Variants in KRT17 observed in about 807,000 individuals in gnomAD.
KRT17 encodes keratin 17.
Under a neutral mutation model 45.6 loss-of-function variants are expected in KRT17, and 29 were observed. That is an observed-to-expected ratio of 0.64 (90% CI 0.47 to 0.87). The LOEUF (loss-of-function observed/expected upper bound fraction) is 0.87, where lower values mean the gene tolerates loss of function less well. KRT17 is among the 40% of genes least tolerant of loss of function. The pLI is 0.00. For synonymous variants in KRT17, 219 were observed against 234.6 expected (o/e 0.93, Z 0.61); for missense variants, 536 against 577.8 (o/e 0.93, Z 0.74).
chr17:41,623,062 T>C (rs1908600134), intron 1 of KRT17, 30 bp from the exon 2 acceptor site: 7 of 1,543,362 alleles, frequency 4.5e-6, no homozygotes, highest in Non-Finnish European at 5.4e-6. Flanking sequence ...GTCAGGTCAT[T>C]GGATGGGGGT....
In KRT17 at chr17:41,620,535, C is replaced by A; in HGVS notation, c.1204+1G>T. ...AGGGCCGAAGCCACGCAGATACTTACGTTCTTTCTTGTACTGAGTCAGGCT... is the reference window on the plus strand; with the variant it reads ...AGGGCCGAAGCCACGCAGATACTTAAGTTCTTTCTTGTACTGAGTCAGGCT... On this transcript the variant is annotated splice_donor_variant, in intron 7 of 7. Transcript: ENST00000311208. LOFTEE classifies it high-confidence loss of function. 6.2e-7 allele frequency: 1 copy of A among 1,611,674 alleles called. No individual in the cohort carries two copies. The highest frequency in any genetic ancestry group is 2.2e-5 in the East Asian group (1 of 44,868).
intron 1 of KRT17, among the ~76,000 whole-genome samples, chr17:41,623,711 C>T (rs1486638647): frequency 6.6e-6 from 1 of 152,156 alleles, no homozygotes; most frequent in Non-Finnish European, 1.5e-5. Flanking sequence ...CCAAAACCCC[C>T]TCCTGTTGAC....
chr17:41,622,049 A>G, intron 3 of KRT17: 1 of 594,490 alleles, frequency 1.7e-6, no homozygotes, highest in South Asian at 2.0e-5. Flanking sequence ...CAGCTTTGAG[A>G]GTTTGAAATG....
chr17:41,619,850 G>A (rs1908479765), intron 7 of KRT17, 162 bp from the exon 8 acceptor site: 1 of 985,260 alleles, frequency 1.0e-6, no homozygotes, highest in Admixed American at 6.1e-5. Context: ...CATCCCTCCT[G>A]TCCCTGCCAC....
In KRT17 at chr17:41,620,959, T is replaced by A; in HGVS notation, c.960+7A>T. On this transcript the variant is annotated splice_region_variant and intron_variant, in intron 5 of 7. Coordinates refer to ENST00000311208, the MANE Select transcript of KRT17 (RefSeq NM_000422.3). ...GGGCCCTCCCCCATGCACAGGACTG[T>A]TCCTACCATGCTGAGCTGGGACTGC... The A allele has an allele frequency of 6.2e-7, 1 of 1,614,088 alleles. No individual in the cohort carries two copies. The highest frequency in any genetic ancestry group is 8.5e-7 in the Non-Finnish European group (1 of 1,180,000).
At chr17:41,622,715 T>TGCCTCCC (rs1271697773) in intron 2 of KRT17, among the ~76,000 whole-genome samples, 1 of 152,208 alleles carries the variant, frequency 6.6e-6, no homozygotes, top group Non-Finnish European at 1.5e-5. Context: ...TACTTCTCTC[T>TGCCTCCC]GCCTCCCGCC....
intron 1 of KRT17, 187 bp from the exon 2 acceptor site, chr17:41,623,219 C>T (rs1469780513): frequency 2.2e-5 from 13 of 589,418 alleles, no homozygotes; most frequent in East Asian, 9.3e-5. Flanking sequence ...CTTCTTCCCC[C>T]GATACTCAGT....
At chr17:41,619,780 T>C in intron 7 of KRT17, 92 bp from the exon 8 acceptor site, 1 of 1,598,482 alleles carries the variant, frequency 6.3e-7, no homozygotes, top group Non-Finnish European at 8.5e-7. Flanking sequence ...GCTCTCTCCC[T>C]CATCCTCCCC....
In KRT17 at chr17:41,620,866, T is replaced by C; in HGVS notation, c.974A>G (p.Glu325Gly). ...GTTCTCTGTCTCCGCCAGGTTGCCC[T>C]CCAGGGATGCTTTCTGCAGGAGGGC... ...QSQLSMKASL[E>G]GNLAETENRY... is the part of the protein sequence containing the mutation. The change falls in exon 6 of 8, where the codon GAG (glutamate) becomes GGG (glycine). Residue 325 changes from glutamate to glycine, a missense_variant. Physicochemically the swap from Glu to Gly is moderately conservative, Grantham distance 98. Transcript: ENST00000311208. The C allele has an allele frequency of 6.2e-7, 1 of 1,613,960 alleles. No individual in the cohort carries two copies. Among genetic ancestry groups the C allele is most frequent in the South Asian group, 1.1e-5 (1 of 91,080 alleles).
At chr17:41,623,663 T>C (rs1438401065) in intron 1 of KRT17, among the ~76,000 whole-genome samples, 2 of 150,160 alleles carry the variant, frequency 1.3e-5, no homozygotes, top group Admixed American at 6.6e-5. Flanking sequence ...CAGCAGGTGC[T>C]ATCAGGAGCT....
intron 4 of KRT17, 64 bp from the exon 5 acceptor site, chr17:41,621,155 C>G: frequency 2.5e-6 from 4 of 1,602,360 alleles, no homozygotes; most frequent in Non-Finnish European, 3.4e-6. Context: ...CAGGCCTCCT[C>G]CCAAATCTAA....
At chr17:41,621,239 CTT>C in intron 4 of KRT17, 148 bp from the exon 5 acceptor site, 1 of 1,108,408 alleles carries the variant, frequency 9.0e-7, no homozygotes, top group South Asian at 1.4e-5. Context: ...GAAATGTTAA[CTT>C]TTTATGGTTA....
chr17:41,624,352 C>T lies in KRT17; in HGVS notation c.158G>A (p.Gly53Glu). 1.2e-6 allele frequency: 2 copies of T among 1,611,526 alleles called. No individual in the cohort carries two copies. The highest frequency in any genetic ancestry group is 1.7e-6 in the Non-Finnish European group (2 of 1,179,810). ...GTAGCAGCTGGAGTAGCTGCTACCC[C>T]CGAGGGTGCTGCCCAGGCCGCCAGC... ...GSAGGLGSTL[G>E]GSSYSSCYSF... is the part of the protein sequence containing the mutation. The change falls in exon 1 of 8, where the codon GGG (glycine) becomes GAG (glutamate). Residue 53 changes from glycine to glutamate, a missense_variant. Transcript: ENST00000311208.
chr17:41,619,667 C>A lies in KRT17; in HGVS notation c.1226G>T (p.Arg409Leu). ...KKEPVTTRQVRTIVEEVQDGK... is the reference protein window; with the variant it reads ...KKEPVTTRQVLTIVEEVQDGK... ...ATCCTGGACCTCTTCCACAATGGTA[C>A]GCACCTGACGGGTGGTCACCGCTGC... Residue 409 changes from arginine (R) to leucine (L), a missense_variant, in exon 8 of 8, where the codon CGT (arginine) becomes CTT (leucine). By Grantham distance (102) the Arg-to-Leu change is moderately radical (BLOSUM62 -2). Coordinates refer to ENST00000311208, the MANE Select transcript of KRT17 (RefSeq NM_000422.3). 6.2e-7 allele frequency: 1 copy of A among 1,612,192 alleles called. No homozygotes were observed. The highest frequency in any genetic ancestry group is 2.2e-5 in the East Asian group (1 of 44,878).
rs1442044157 is a variant in KRT17 at position 41,620,755 on chromosome 17, T to C, written c.1085A>G (p.Gln362Arg). ...QLAQLRCEME[Q>R]QNQEYKILLD... ...CAGGATTTTGTATTCCTGGTTCTGC[T>C]GCTCCATCTCGCAGCGAAGCTGGGC... The change falls in exon 6 of 8, where the codon CAG (glutamine) becomes CGG (arginine). Residue 362 changes from glutamine (Q) to arginine (R), a missense_variant. Transcript: ENST00000311208. The C allele has an allele frequency of 6.2e-7, 1 of 1,612,466 alleles. No homozygotes were observed. Among genetic ancestry groups the C allele is most frequent in the South Asian group, 1.1e-5 (1 of 91,010 alleles).
chr17:41,620,778 G>T lies in KRT17; in HGVS notation c.1062C>A (p.Ala354=), dbSNP rs780718626. ...GLIGSVEEQL[A]QLRCEMEQQN... ...GCTGCTCCATCTCGCAGCGAAGCTG[G>T]GCCAGCTGCTCCTCCACGCTGCCAA... Residue 354 remains alanine (A), a synonymous_variant, in exon 6 of 8, where the codon GCC becomes GCA. Transcript: ENST00000311208. The T allele has an allele frequency of 1.5e-5, 24 of 1,612,866 alleles. No homozygotes were observed. Among genetic ancestry groups the T allele is most frequent in the Non-Finnish European group, 2.0e-5 (24 of 1,179,872 alleles).
intron 4 of KRT17, 75 bp downstream of exon 4, chr17:41,621,518 G>C: frequency 2.5e-6 from 4 of 1,571,946 alleles, no homozygotes; most frequent in Non-Finnish European, 3.5e-6. Context: ...ACATCTGGCC[G>C]TGGGCTTACT....
Position 41,620,551 on chromosome 17 carries a change from G to C in KRT17, c.1189C>G (p.Gln397Glu). Residue 397 changes from glutamine (Q) to glutamate (E), a missense_variant, in exon 7 of 8, where the codon CAG becomes GAG. By Grantham distance (29) the Gln-to-Glu change is conservative (BLOSUM62 2). Coordinates refer to ENST00000311208, the MANE Select transcript of KRT17 (RefSeq NM_000422.3). ...LLEGEDAHLT[Q>E]YKKEPVTTRQ... ...AGATACTTACGTTCTTTCTTGTACT[G>C]AGTCAGGCTGAAAGAAAAAAAAAAA... is the stretch of plus-strand genomic sequence containing the variant. 6.2e-7 allele frequency: 1 copy of C among 1,610,992 alleles called. No individual in the cohort carries two copies. The highest frequency in any genetic ancestry group is 8.5e-7 in the Non-Finnish European group (1 of 1,179,622).
Position 41,621,625 on chromosome 17 carries a change from G to A in KRT17, c.802C>T (p.Arg268Cys), listed in dbSNP as rs560576342. 23 of 1,612,076 alleles carry A rather than the reference G, an allele frequency of 1.4e-5. No homozygotes were observed. The highest frequency in any genetic ancestry group is 2.2e-4 in the Middle Eastern group (1 of 4,498). Residue 268 changes from arginine (R) to cysteine (C), a missense_variant, in exon 4 of 8, where the codon CGC (arginine) becomes TGC (cysteine). Arg to Cys is a radical substitution (Grantham distance 180). Coordinates refer to ENST00000311208, the MANE Select transcript of KRT17 (RefSeq NM_000422.3). ...DQYEKMAEKN[R>C]KDAEDWFFSK... ...AAGAACCAATCCTCGGCATCCTTGCGGTTCTTCTCTGCCATCTTCTCATAC... is the reference window on the plus strand; with the variant it reads ...AAGAACCAATCCTCGGCATCCTTGCAGTTCTTCTCTGCCATCTTCTCATAC...
Sources: gnomAD v4.1 joint callset for allele counts (sites outside exome capture counted in the v4.1 genomes callset) on GRCh38, gnomAD v4.1.1 for gene constraint, MANE v1.5 for transcripts, NCBI Gene and HGNC (gene_info 2026-07-23, HGNC 2026-07-21) for gene names.